Variants in FAM156A observed in about 807,000 individuals in gnomAD.
The protein encoded by FAM156A is protein FAM156A/FAM156B.
intron 1 of FAM156A, among the ~76,000 whole-genome samples, chrX:52,975,952 TG>T (rs1300480779): frequency 6.3e-5 from 7 of 111,483 alleles, no homozygotes; most frequent in Admixed American, 4.8e-4. Flanking sequence ...TCAGGATGCC[TG>T]GGGGTCTTCA....
chrX:52,980,890 A>G lies in FAM156A; in HGVS notation c.-434+14416T>C, dbSNP rs184403338. 1.3e-4 allele frequency among the ~76,000 whole-genome samples: 13 copies of G among 98,191 alleles called. No individual in the cohort carries two copies. The East Asian group carries it at 4.2e-3, about 32-fold the overall frequency. The allele number at this position is 98,191 out of a possible 115,157, so 85.3% of individuals were successfully genotyped here. On this transcript the variant is annotated intron_variant, in intron 1 of 4. Coordinates refer to the FAM156A transcript ENST00000610625. ...GAGAGAGAGGCTGTGGGGGCTGGCA[A>G]GTCTAAATTGTGCAGAGCAGAATGT...
At chrX:52,995,210 T>C (rs1163915715) in intron 1 of FAM156A, 3 of 111,820 alleles carry the variant, frequency 2.7e-5, no homozygotes, top group Non-Finnish European at 5.6e-5. Context: ...CCCTGGACAT[T>C]AATTGAGTGT....
intron 1 of FAM156A, among the ~76,000 whole-genome samples, chrX:52,977,105 C>CATATATATAT (rs59645649): frequency 2.0e-5 from 2 of 97,630 alleles, no homozygotes; most frequent in Admixed American, 1.1e-4. Context: ...CACACACACA[C>CATATATATAT]ATATATATAT....
At chrX:52,981,824 C>CT (rs1277409823) in intron 1 of FAM156A, among the ~76,000 whole-genome samples, 269 of 100,826 alleles carry the variant, frequency 2.7e-3, no homozygotes, top group East Asian at 6.5e-3. Context: ...GAATGAGGAG[C>CT]TTTTTTTTTT....
chrX:52,992,638 G>A (rs1310015278), intron 1 of FAM156A, among the ~76,000 whole-genome samples: 1 of 108,103 alleles, frequency 9.3e-6, no homozygotes, highest in Non-Finnish European at 1.9e-5. Context: ...TGTATAAAAC[G>A]TTAAGTGTAT....
At chrX:52,973,327 A>G (rs1157230346) in intron 1 of FAM156A, among the ~76,000 whole-genome samples, 1 of 110,979 alleles carries the variant, frequency 9.0e-6, no homozygotes, top group Non-Finnish European at 1.9e-5. Context: ...GCTACTGAAA[A>G]GATTGATTCA....
chrX:52,992,270 AG>A (rs1284573739), intron 1 of FAM156A, among the ~76,000 whole-genome samples: 6 of 111,561 alleles, frequency 5.4e-5, no homozygotes, highest in African/African-American at 2.0e-4. Context: ...GGTGTAAATG[AG>A]GCCTGAGGGG....
At chrX:52,983,383 C>CA (rs56161716) in intron 1 of FAM156A, among the ~76,000 whole-genome samples, 45 of 106,503 alleles carry the variant, frequency 4.2e-4, no homozygotes, top group South Asian at 8.0e-4. Flanking sequence ...AGCCATAAAA[C>CA]AAAAAAAAAA....
intron 1 of FAM156A, among the ~76,000 whole-genome samples, chrX:52,982,719 T>G (rs1929998421): frequency 1.8e-5 from 2 of 112,584 alleles, no homozygotes; most frequent in Admixed American, 1.9e-4. Flanking sequence ...GAAAAAAATT[T>G]TAATAAATCA....
At chrX:52,977,103 CACATAT>C (rs1929540895) in intron 1 of FAM156A, among the ~76,000 whole-genome samples, 1 of 96,386 alleles carries the variant, frequency 1.0e-5, no homozygotes, top group African/African-American at 3.8e-5. Flanking sequence ...CACACACACA[CACATAT>C]ATATATATAT....
chrX:52,978,349 T>C (rs1389029585), intron 1 of FAM156A, among the ~76,000 whole-genome samples: 1 of 111,876 alleles, frequency 8.9e-6, no homozygotes, highest in Non-Finnish European at 1.9e-5. Flanking sequence ...GCTTAGAATT[T>C]ATTGGAAACT....
At chrX:52,993,476 G>A (rs1286948139) in intron 1 of FAM156A, among the ~76,000 whole-genome samples, 3 of 98,122 alleles carry the variant, frequency 3.1e-5, no homozygotes, top group East Asian at 3.2e-4. Context: ...GTGCAGTGGC[G>A]CGATTTTGGC....
intron 1 of FAM156A, among the ~76,000 whole-genome samples, chrX:52,986,050 T>C (rs904886891): frequency 6.3e-5 from 7 of 110,671 alleles, no homozygotes; most frequent in African/African-American, 2.3e-4. Context: ...TTCCAAGTCT[T>C]TGCTATTGTG....
At chrX:52,983,825 A>G (rs1351152404) in intron 1 of FAM156A, among the ~76,000 whole-genome samples, 1 of 112,683 alleles carries the variant, frequency 8.9e-6, no homozygotes, top group Non-Finnish European at 1.9e-5. Flanking sequence ...TTCTGTAAGT[A>G]ACATTTACCT....
At chrX:52,991,558 C>G (rs1362973869) in intron 1 of FAM156A, among the ~76,000 whole-genome samples, 22 of 111,175 alleles carry the variant, frequency 2.0e-4, no homozygotes, top group Non-Finnish European at 4.1e-4. Context: ...ACACCTAAAA[C>G]TAACCATCAC....
intron 1 of FAM156A, among the ~76,000 whole-genome samples, chrX:52,987,146 G>A (rs1271502130): frequency 4.5e-5 from 5 of 111,438 alleles, no homozygotes; most frequent in East Asian, 2.8e-4. Context: ...TGCAGGAGCC[G>A]TATGCTAAAA....
chrX:52,994,058 C>A (rs1930994563), intron 1 of FAM156A, among the ~76,000 whole-genome samples: 1 of 111,115 alleles, frequency 9.0e-6, no homozygotes, highest in African/African-American at 3.3e-5. Flanking sequence ...TGTCTGCCAG[C>A]CTCCAAAACC....
chrX:52,983,530 T>C (rs1188032613), intron 1 of FAM156A, among the ~76,000 whole-genome samples: 2 of 112,013 alleles, frequency 1.8e-5, no homozygotes, highest in Non-Finnish European at 3.8e-5. Flanking sequence ...TGGAGAAATT[T>C]TTCTTTTTGT....
rs190759944 is a variant in FAM156A, at chrX:52,978,394, A to G, written c.-433-14159T>C. On this transcript the variant is annotated intron_variant, in intron 1 of 4. Coordinates refer to the FAM156A transcript ENST00000610625. ...CCAGGGACTGTCCAGACAACTGTAC[A>G]TGTCTTCACACAGTCAGTGCTCTAA... Among the ~76,000 whole-genome samples, 32 of 112,049 alleles carry G rather than the reference A, an allele frequency of 2.9e-4. 1 individual carries two copies. The East Asian group carries it at 7.3e-3, about 25-fold the overall frequency.
Sources: allele counts gnomAD v4.1 joint callset (sites outside exome capture counted in the v4.1 genomes callset), GRCh38; gene constraint gnomAD v4.1.1; transcripts MANE v1.5; gene names NCBI Gene and HGNC (gene_info 2026-07-23, HGNC 2026-07-21).